LAMA2: variants seen among roughly 807,000 people sequenced by gnomAD.
The protein encoded by LAMA2 is laminin subunit alpha 2.
LAMA2 carries 269 observed loss-of-function variants against 364.8 expected under a neutral mutation model. The observed-to-expected ratio is 0.74, with a 90% CI of 0.67 to 0.82. The LOEUF is 0.82. Among genes scored for constraint, LAMA2 ranks in the 40% least tolerant of loss-of-function variants. LAMA2 has a pLI of 0.00. For synonymous variants in LAMA2, 1,379 were observed against 1,370.6 expected (o/e 1.01, Z -0.14); for missense variants, 3,807 against 3,873.2 (o/e 0.98, Z 0.45).
chr6:129,239,955 A>G (rs1785281808), intron 12 of LAMA2, among the ~76,000 whole-genome samples: 1 of 152,224 alleles, frequency 6.6e-6, no homozygotes, highest in African/African-American at 2.4e-5. Flanking sequence ...GGCCATCTGC[A>G]AGCTGAGTAG....
intron 1 of LAMA2, among the ~76,000 whole-genome samples, chr6:128,912,536 T>C (rs539194517): frequency 6.6e-6 from 1 of 152,294 alleles, no homozygotes; most frequent in East Asian, 1.9e-4. Flanking sequence ...TTGTTTAAAA[T>C]CTACTATAAT....
chr6:129,467,538 C>T lies in LAMA2; in HGVS notation c.7300+2249C>T, dbSNP rs138285733. Among the ~76,000 whole-genome samples, 24 of 151,934 alleles carry T rather than the reference C, an allele frequency of 1.6e-4. No individual in the cohort carries two copies. In the East Asian group the frequency reaches 4.5e-3, roughly 28 times the overall value. On this transcript the variant is annotated intron_variant, in intron 51 of 64. Coordinates refer to ENST00000421865, the MANE Select transcript of LAMA2 (RefSeq NM_000426.4). ...GAAATAATAAAAATAAAAATAAAGA[C>T]ATTCGGAACACTAAGCTGAATTGGC... is the stretch of plus-strand genomic sequence containing the variant.
intron 9 of LAMA2, among the ~76,000 whole-genome samples, chr6:129,174,870 T>C (rs1562301349): frequency 2.0e-5 from 3 of 152,192 alleles, no homozygotes; most frequent in Non-Finnish European, 4.4e-5. Flanking sequence ...TTTCTACGTT[T>C]AATTTTATTC....
intron 1 of LAMA2, among the ~76,000 whole-genome samples, chr6:129,045,948 G>C (rs955517660): frequency 2.0e-5 from 3 of 152,180 alleles, no homozygotes; most frequent in Non-Finnish European, 4.4e-5. Context: ...AAATCCGAGA[G>C]AAAAAGTGAC....
At chr6:129,318,677 T>C (rs1774768973) in intron 27 of LAMA2, among the ~76,000 whole-genome samples, 1 of 152,186 alleles carries the variant, frequency 6.6e-6, no homozygotes, top group Non-Finnish European at 1.5e-5. Flanking sequence ...CACCACTGTG[T>C]GTACTTACAG....
At chr6:129,369,352 G>GA (rs200249852) in intron 33 of LAMA2, among the ~76,000 whole-genome samples, 1 of 152,010 alleles carries the variant, frequency 6.6e-6, no homozygotes, top group Non-Finnish European at 1.5e-5. Flanking sequence ...TGTTCCATAG[G>GA]AAAAAAATAT....
chr6:129,159,036 T>C, intron 8 of LAMA2: 1 of 1,580,804 alleles, frequency 6.3e-7, no homozygotes, highest in East Asian at 2.2e-5. Context: ...CCGTGGAGCA[T>C]ACTATCCAGA....
At chr6:129,223,880 A>G (rs536305452) in intron 12 of LAMA2, among the ~76,000 whole-genome samples, 1 of 152,300 alleles carries the variant, frequency 6.6e-6, no homozygotes, top group East Asian at 1.9e-4. Context: ...AATTCTGTGA[A>G]GAAAGTCACT....
chr6:129,083,409 G>A (rs1774186361), intron 3 of LAMA2, among the ~76,000 whole-genome samples: 1 of 152,142 alleles, frequency 6.6e-6, no homozygotes, highest in South Asian at 2.1e-4. Context: ...CCAGTATCAT[G>A]AGAGCCCACA....
intron 1 of LAMA2, among the ~76,000 whole-genome samples, chr6:129,015,384 C>A (rs1468670530): frequency 6.6e-6 from 1 of 152,052 alleles, no homozygotes; most frequent in Non-Finnish European, 1.5e-5. Context: ...AGGAAAGATA[C>A]AGCATCAACC....
intron 1 of LAMA2, among the ~76,000 whole-genome samples, chr6:128,886,051 T>C (rs1776132947): frequency 2.6e-5 from 4 of 152,192 alleles, no homozygotes; most frequent in Admixed American, 1.3e-4. Context: ...TATTGCATAG[T>C]GGATTAAGGT....
intron 40 of LAMA2, among the ~76,000 whole-genome samples, chr6:129,415,057 C>G (rs1398565377): frequency 1.3e-5 from 2 of 152,162 alleles, no homozygotes; most frequent in Non-Finnish European, 1.5e-5. Context: ...ACCTAATATA[C>G]TGAGAGCATT....
At chr6:129,481,508 A>G (rs766572825) in intron 55 of LAMA2, 69 bp downstream of exon 55, 77 of 1,309,086 alleles carry the variant, frequency 5.9e-5, no homozygotes, top group Non-Finnish European at 7.3e-5. Context: ...TTACTTTTGT[A>G]TTTTTAGTTT....
At chr6:129,150,151 A>T (rs1038889900) in intron 7 of LAMA2, among the ~76,000 whole-genome samples, 1 of 152,164 alleles carries the variant, frequency 6.6e-6, no homozygotes, top group Non-Finnish European at 1.5e-5. Context: ...TTACAAAAGC[A>T]TATCTGGAGG....
chr6:129,028,292 G>A (rs910079297), intron 1 of LAMA2, among the ~76,000 whole-genome samples: 1 of 151,746 alleles, frequency 6.6e-6, no homozygotes, highest in Non-Finnish European at 1.5e-5. Flanking sequence ...TATCAGCCAT[G>A]TTGTATTCTT....
chr6:129,006,005 A>G (rs1784424516), intron 1 of LAMA2, among the ~76,000 whole-genome samples: 1 of 152,120 alleles, frequency 6.6e-6, no homozygotes, highest in Admixed American at 6.6e-5. Context: ...ACAAAAGTAT[A>G]TGTAAGTTTG....
At chr6:129,193,156 CTG>C (rs1325890784) in intron 12 of LAMA2, among the ~76,000 whole-genome samples, 1 of 152,132 alleles carries the variant, frequency 6.6e-6, no homozygotes, top group African/African-American at 2.4e-5. Flanking sequence ...TTGGAAGAAA[CTG>C]TGTTGTGTTT....
At chr6:128,986,479 C>T (rs2114649845) in intron 1 of LAMA2, among the ~76,000 whole-genome samples, 1 of 152,152 alleles carries the variant, frequency 6.6e-6, no homozygotes, top group East Asian at 1.9e-4. Context: ...TTCTGACATG[C>T]CCATTTAGGA....
At chr6:129,234,034 G>A (rs79899815) in intron 12 of LAMA2, among the ~76,000 whole-genome samples, 186 of 152,242 alleles carry the variant, frequency 1.2e-3, no homozygotes, top group African/African-American at 4.2e-3. Flanking sequence ...GGTTAAGAGC[G>A]GCTTTGCCTG....
Sources: gnomAD v4.1 joint callset for allele counts (sites outside exome capture counted in the v4.1 genomes callset) on GRCh38, gnomAD v4.1.1 for gene constraint, MANE v1.5 for transcripts, NCBI Gene and HGNC (gene_info 2026-07-23, HGNC 2026-07-21) for gene names.